The following CCDC138 variants were observed in gnomAD, a reference collection of about 807,000 sequenced individuals.
CCDC138 encodes the protein coiled-coil domain containing 138, also known as coiled-coil domain-containing protein 138.
CCDC138 carries 66 observed loss-of-function variants against 82.3 expected under a neutral mutation model. The observed-to-expected ratio is 0.80, with a 90% CI of 0.66 to 0.98. The LOEUF (loss-of-function observed/expected upper bound fraction) is 0.98. CCDC138 is among the 50% of genes least tolerant of loss of function. CCDC138 has a pLI of 0.00. For synonymous variants in CCDC138, 297 were observed against 265.4 expected, an observed-to-expected ratio of 1.12 and a Z score of -1.16; for missense variants, 816 against 758.9, an observed-to-expected ratio of 1.08 and a Z score of -0.88.
At position 108,786,872 on chromosome 2, in the gene CCDC138, G is replaced by A. The variant is rs1678866987; in HGVS notation, c.50G>A (p.Ser17Asn). 1 of 1,580,644 alleles carries A rather than the reference G, an allele frequency of 6.3e-7. No individual in the cohort carries two copies. Among genetic ancestry groups the A allele is most frequent in the Non-Finnish European group, 8.6e-7 (1 of 1,165,818 alleles). Reference sequence around the variant, plus strand: ...CCGGGGCAGGATTTAGTAGTGGAGAGTCTCAAAAGCCGCTACGGACTCGGG... The same window carrying A: ...CCGGGGCAGGATTTAGTAGTGGAGAATCTCAAAAGCCGCTACGGACTCGGG... Reference protein sequence around the residue: ...KPPGQDLVVESLKSRYGLGGS... With the variant: ...KPPGQDLVVENLKSRYGLGGS... The change falls in exon 1 of 15, where the codon AGT (serine) becomes AAT (asparagine). Residue 17 changes from serine to asparagine, a missense_variant. Ser to Asn is a conservative substitution (Grantham distance 46). Transcript: ENST00000295124.
At chr2:108,849,809 A>G in intron 12 of CCDC138, among the ~76,000 whole-genome samples, 1 of 152,218 alleles carries the variant, frequency 6.6e-6, no homozygotes, top group South Asian at 2.1e-4. Flanking sequence ...TCCAGTGTTC[A>G]TCTACTACCT....
At chr2:108,856,134 C>T (rs967014923) in intron 12 of CCDC138, among the ~76,000 whole-genome samples, 4 of 152,120 alleles carry the variant, frequency 2.6e-5, no homozygotes, top group East Asian at 1.9e-4. Context: ...GCTTCCCAAT[C>T]CTGGCCTTGC....
chr2:108,806,698 C>CCT (rs971232035), intron 7 of CCDC138, among the ~76,000 whole-genome samples: 25 of 152,278 alleles, frequency 1.6e-4, no homozygotes, highest in African/African-American at 5.3e-4. Flanking sequence ...TTAGCCAGCT[C>CCT]CTGGCTAGAT....
chr2:108,854,542 C>T (rs976094339), intron 12 of CCDC138, among the ~76,000 whole-genome samples: 11 of 152,208 alleles, frequency 7.2e-5, no homozygotes, highest in African/African-American at 2.4e-4. Context: ...GTTGGTTTTA[C>T]CTGAGATCAG....
At chr2:108,806,692 C>T (rs892911041) in intron 7 of CCDC138, among the ~76,000 whole-genome samples, 1 of 152,146 alleles carries the variant, frequency 6.6e-6, no homozygotes. Flanking sequence ...GCATATTTAG[C>T]CAGCTCCTGG....
chr2:108,821,920 C>T (rs940357686), intron 10 of CCDC138, among the ~76,000 whole-genome samples: 11 of 106,272 alleles, frequency 1.0e-4, no homozygotes, highest in Non-Finnish European at 1.5e-4. Flanking sequence ...AAGAGCGAAA[C>T]TTTGTCTCAA....
At chr2:108,836,264 C>G (rs1688565978) in intron 10 of CCDC138, among the ~76,000 whole-genome samples, 1 of 152,130 alleles carries the variant, frequency 6.6e-6, no homozygotes, top group African/African-American at 2.4e-5. Flanking sequence ...TAGTATTTGC[C>G]TTTTTGTGAC....
Sources: gnomAD v4.1 joint callset for allele counts (sites outside exome capture counted in the v4.1 genomes callset) on GRCh38, gnomAD v4.1.1 for gene constraint, MANE v1.5 for transcripts, NCBI Gene and HGNC (gene_info 2026-07-23, HGNC 2026-07-21) for gene names.